Variants in EIPR1 observed in about 807,000 individuals in gnomAD.
EIPR1 encodes EARP and GARP complex-interacting protein 1.
A neutral mutation model predicts 48.1 loss-of-function variants in EIPR1; 25 were observed. The ratio of observed to expected loss-of-function variants is 0.52; its 90% confidence interval spans 0.38 to 0.73. EIPR1 has a LOEUF of 0.73. Ranked by LOEUF, EIPR1 falls within the 30% of genes least tolerant of loss-of-function variation. The probability of loss-of-function intolerance (pLI) is 0.00; values close to 1 mark genes in which losing one functional copy is unlikely to be tolerated. For synonymous variants in EIPR1, 204 were observed against 201.9 expected, an observed-to-expected ratio of 1.01 and a Z score of -0.09; for missense variants, 415 against 506.2, an observed-to-expected ratio of 0.82 and a Z score of 1.73.
At chr2:3,295,506 C>T (rs1668538855) in intron 3 of EIPR1, among the ~76,000 whole-genome samples, 1 of 137,808 alleles carries the variant, frequency 7.3e-6, no homozygotes, top group African/African-American at 2.8e-5. Flanking sequence ...TGCACACATA[C>T]ACCCTCCATC....
At chr2:3,249,168 G>A (rs1666930890) in intron 4 of EIPR1, among the ~76,000 whole-genome samples, 1 of 152,140 alleles carries the variant, frequency 6.6e-6, no homozygotes, top group East Asian at 1.9e-4. Flanking sequence ...GAAAAAGTTT[G>A]GAATTTCTTA....
At chr2:3,317,443 T>G (rs1159141509) in intron 3 of EIPR1, among the ~76,000 whole-genome samples, 1 of 150,066 alleles carries the variant, frequency 6.7e-6, no homozygotes. Flanking sequence ...TGGGAGCGCA[T>G]GAGGCACTGA....
At position 3,271,407 on chromosome 2, in the gene EIPR1, G is replaced by A. The variant is rs559670303; in HGVS notation, c.260-13952C>T. Among the ~76,000 whole-genome samples, 6 of 152,296 alleles carry A rather than the reference G, an allele frequency of 3.9e-5. No homozygotes were observed. The South Asian group carries it at 1.2e-3, about 32-fold the overall frequency. ...CAGAGGAATCACTATCAGTGGCAAC[G>A]ACAGCCTTAAGACATGTATTTCTTA... On this transcript the variant is annotated intron_variant, in intron 3 of 8. Coordinates refer to ENST00000382125, the MANE Select transcript of EIPR1 (RefSeq NM_003310.5).
chr2:3,269,204 A>G (rs4114772), intron 3 of EIPR1, among the ~76,000 whole-genome samples: 145 of 151,842 alleles, frequency 9.5e-4, no homozygotes, highest in Middle Eastern at 3.4e-3. Context: ...CTCAATCATC[A>G]CACTCAATCA....
At chr2:3,209,855 AG>A (rs1482802955) in intron 5 of EIPR1, among the ~76,000 whole-genome samples, 2 of 152,194 alleles carry the variant, frequency 1.3e-5, no homozygotes, top group Non-Finnish European at 2.9e-5. Flanking sequence ...CGGGCTTGCC[AG>A]GGGCTTGGAG....
chr2:3,255,371 T>TG lies in EIPR1; in HGVS notation c.416+1927dup, dbSNP rs564561288. 3.1e-3 allele frequency among the ~76,000 whole-genome samples: 475 copies of TG among 152,188 alleles called. 4 individuals are homozygous for TG. The highest frequency in any genetic ancestry group is 0.011 in the African/African-American group (459 of 41,542). On this transcript the variant is annotated intron_variant, in intron 4 of 8. Transcript: ENST00000382125. Reference sequence around the variant, plus strand: ...CTAATTTTTGTATTTTTAGCAGAGATGGGGTTTCACCATGTTGGCCAGGCT... The same window carrying TG: ...CTAATTTTTGTATTTTTAGCAGAGATGGGGGTTTCACCATGTTGGCCAGGCT...
At chr2:3,235,464 C>A (rs13019715) in intron 4 of EIPR1, among the ~76,000 whole-genome samples, 10 of 119,160 alleles carry the variant, frequency 8.4e-5, no homozygotes, top group African/African-American at 3.0e-4. Context: ...ACACACACAC[C>A]CCCCAATAGC....
intron 5 of EIPR1, chr2:3,207,791 T>C (rs1470478019): frequency 6.6e-6 from 1 of 152,250 alleles, no homozygotes; most frequent in Non-Finnish European, 1.5e-5. Context: ...ATGACTTTTA[T>C]TCAAAATCTG....
At chr2:3,254,677 C>T (rs1359398288) in intron 4 of EIPR1, among the ~76,000 whole-genome samples, 1 of 152,192 alleles carries the variant, frequency 6.6e-6, no homozygotes, top group Non-Finnish European at 1.5e-5. Flanking sequence ...AGTACAGATT[C>T]GGGGTGGCCA....
intron 3 of EIPR1, 86 bp from the exon 4 acceptor site, chr2:3,257,541 C>A: frequency 6.6e-7 from 1 of 1,506,398 alleles, no homozygotes; most frequent in Non-Finnish European, 9.1e-7. Flanking sequence ...TTACACAAAT[C>A]CATAAGCAGC....
At chr2:3,253,767 C>T (rs78275291) in intron 4 of EIPR1, among the ~76,000 whole-genome samples, 2,151 of 152,302 alleles carry the variant, frequency 0.014, 26 homozygotes, top group Middle Eastern at 0.02. Context: ...TGGTGGGGTG[C>T]CCTGTTCAGC....
At position 3,317,181 on chromosome 2, in the gene EIPR1, T is replaced by C. The variant is rs367987523; in HGVS notation, c.259+20836A>G. ...CACTGACCAAGCTGAGGGCCTACTG[T>C]GTGCCTTGCACATGGGGTGGAGCAC... On this transcript the variant is annotated intron_variant, in intron 3 of 8. Coordinates refer to ENST00000382125, the MANE Select transcript of EIPR1 (RefSeq NM_003310.5). 1.0e-3 allele frequency among the ~76,000 whole-genome samples: 158 copies of C among 150,520 alleles called. 1 individual carries two copies. Among genetic ancestry groups the C allele is most frequent in the African/African-American group, 3.5e-3 (143 of 40,812 alleles).
At chr2:3,263,574 C>T (rs1276461770) in intron 3 of EIPR1, among the ~76,000 whole-genome samples, 1 of 152,246 alleles carries the variant, frequency 6.6e-6, no homozygotes, top group Non-Finnish European at 1.5e-5. Context: ...CTCCTATCCA[C>T]ATCACATCGC....
intron 1 of EIPR1, 63 bp downstream of exon 1, chr2:3,377,585 T>C (rs949059970): frequency 4.1e-5 from 64 of 1,548,030 alleles, no homozygotes; most frequent in Middle Eastern, 1.7e-4. Context: ...GAAGTCACCA[T>C]GGGACCGCGC....
chr2:3,248,781 CTAAAT>C (rs1321509661), intron 4 of EIPR1, among the ~76,000 whole-genome samples: 2 of 152,010 alleles, frequency 1.3e-5, no homozygotes, highest in Admixed American at 1.3e-4. Flanking sequence ...AAAAAGAAAA[CTAAAT>C]TAAATTAAAA....
chr2:3,193,962 A>G, intron 7 of EIPR1, 37 bp downstream of exon 7: 1 of 1,608,508 alleles, frequency 6.2e-7, no homozygotes, highest in Non-Finnish European at 8.5e-7. Context: ...CAATTGCGTA[A>G]TCCCCTCCTC....
intron 3 of EIPR1, among the ~76,000 whole-genome samples, chr2:3,322,936 T>C (rs116051046): frequency 2.7e-4 from 41 of 152,322 alleles, no homozygotes; most frequent in African/African-American, 8.9e-4. Context: ...CTGGGATGCC[T>C]TGGCGTACGT....
At chr2:3,368,799 AT>A (rs1222442819) in intron 1 of EIPR1, among the ~76,000 whole-genome samples, 1 of 152,222 alleles carries the variant, frequency 6.6e-6, no homozygotes, top group East Asian at 1.9e-4. Flanking sequence ...TTCAAATATC[AT>A]TTGAAATTTC....
chr2:3,294,869 C>A (rs73913309), intron 3 of EIPR1, among the ~76,000 whole-genome samples: 2 of 128,074 alleles, frequency 1.6e-5, no homozygotes, highest in South Asian at 2.8e-4. Flanking sequence ...ATCCAGCCAA[C>A]CTCTCTCTAT....
Sources: allele counts gnomAD v4.1 joint callset (sites outside exome capture counted in the v4.1 genomes callset), GRCh38; gene constraint gnomAD v4.1.1; transcripts MANE v1.5; gene names NCBI Gene and HGNC (gene_info 2026-07-23, HGNC 2026-07-21).